The following SLC40A1 variants were observed in gnomAD, a reference collection of about 807,000 sequenced individuals.
The protein encoded by SLC40A1 is solute carrier family 40 member 1, also known as ferroportin.
Under a neutral mutation model 53.5 loss-of-function variants are expected in SLC40A1, and 16 were observed. That is an observed-to-expected ratio of 0.30 (90% CI 0.20 to 0.45). SLC40A1 has a LOEUF of 0.45. SLC40A1 is among the 20% of genes least tolerant of loss of function. SLC40A1 has a pLI of 1.00. For missense variants in SLC40A1, 545 were observed against 695.4 expected, an observed-to-expected ratio of 0.78 and a Z score of 2.43; for synonymous variants, 247 against 253.2, an observed-to-expected ratio of 0.98 and a Z score of 0.23.
chr2:189,575,439 T>C, intron 2 of SLC40A1, 119 bp from the exon 3 acceptor site: 1 of 903,354 alleles, frequency 1.1e-6, no homozygotes, highest in Non-Finnish European at 1.8e-6. Context: ...ACTTTCAAAG[T>C]CAGTAATTAC....
At chr2:189,566,301 T>G (rs1368892652) in intron 5 of SLC40A1, among the ~76,000 whole-genome samples, 2 of 152,088 alleles carry the variant, frequency 1.3e-5, no homozygotes, top group African/African-American at 4.8e-5. Context: ...ATAAAGCTGA[T>G]TTAAGAGACT....
Position 189,564,243 on chromosome 2 carries a change from C to G in SLC40A1, c.761-18G>C, listed in dbSNP as rs765902819. On this transcript the variant is annotated intron_variant, in intron 6 of 7. Transcript: ENST00000261024. ...CTCAGTATCTGTTAAGAAAAGATAC[C>G]ATTATTTTGTTGGGGAGGACATGTA... The G allele has an allele frequency of 1.1e-5, 18 of 1,609,692 alleles. No individual in the cohort carries two copies. The highest frequency in any genetic ancestry group is 1.5e-5 in the Non-Finnish European group (18 of 1,176,288).
intron 5 of SLC40A1, among the ~76,000 whole-genome samples, chr2:189,567,593 G>C (rs928248675): frequency 2.0e-5 from 3 of 152,220 alleles, no homozygotes; most frequent in African/African-American, 7.2e-5. Context: ...GTGAAAATTA[G>C]TGAGACAAGT....
At chr2:189,563,238 G>A (rs1574236667) in intron 7 of SLC40A1, among the ~76,000 whole-genome samples, 1 of 144,294 alleles carries the variant, frequency 6.9e-6, no homozygotes, top group African/African-American at 2.6e-5. Context: ...CTGCACCACT[G>A]CACTCCAGCC....
chr2:189,561,237 G>A lies in SLC40A1; in HGVS notation c.*641C>T, dbSNP rs1429714719. 6.6e-6 allele frequency: 1 copy of A among 152,390 alleles called. No homozygotes were observed. The highest frequency in any genetic ancestry group is 1.5e-5 in the Non-Finnish European group (1 of 68,194). The allele number at this position is 152,390 out of a possible 1,614,324, so 9.4% of individuals were successfully genotyped here. ...GCAGCTTACATGATAACCATGCTGTGAAGTGCTACATATGCTTCATACAAT... is the reference window on the plus strand; with the variant it reads ...GCAGCTTACATGATAACCATGCTGTAAAGTGCTACATATGCTTCATACAAT... On this transcript the variant is annotated 3_prime_UTR_variant, in exon 8 of 8. Coordinates refer to ENST00000261024, the MANE Select transcript of SLC40A1 (RefSeq NM_014585.6).
At position 189,571,855 on chromosome 2, in the gene SLC40A1, A is replaced by G; in HGVS notation, c.388-14T>C. ...ATAGCAGGAAGTCTAAAGAATGACA[A>G]GAAAAAAATGAGTTATAATGTCAGT... On this transcript the variant is annotated splice_polypyrimidine_tract_variant and intron_variant, in intron 4 of 7. Coordinates refer to ENST00000261024, the MANE Select transcript of SLC40A1 (RefSeq NM_014585.6). 6.4e-7 allele frequency: 1 copy of G among 1,556,264 alleles called. No homozygotes were observed. The highest frequency in any genetic ancestry group is 8.9e-7 in the Non-Finnish European group (1 of 1,127,488).
At chr2:189,578,948 C>CA (rs2031377237) in intron 2 of SLC40A1, among the ~76,000 whole-genome samples, 1 of 152,108 alleles carries the variant, frequency 6.6e-6, no homozygotes, top group Admixed American at 6.5e-5. Context: ...AAATAACATT[C>CA]AAAAAATTTA....
intron 2 of SLC40A1, among the ~76,000 whole-genome samples, chr2:189,576,184 C>G (rs2031280601): frequency 6.6e-6 from 1 of 152,068 alleles, no homozygotes; most frequent in African/African-American, 2.4e-5. Flanking sequence ...AGGCTCCATC[C>G]CTGACTTCTG....
intron 4 of SLC40A1, chr2:189,572,606 A>G (rs1443699523): frequency 1.7e-6 from 1 of 571,886 alleles, no homozygotes; most frequent in East Asian, 3.0e-5. Flanking sequence ...TCTATAGTAA[A>G]CTCTTAGAAA....
chr2:189,572,607 C>T (rs2031165203), intron 4 of SLC40A1: 1 of 572,438 alleles, frequency 1.7e-6, no homozygotes, highest in Non-Finnish European at 3.1e-6. Flanking sequence ...CTATAGTAAA[C>T]TCTTAGAAAT....
chr2:189,564,874 G>C (rs1349703240), intron 6 of SLC40A1, among the ~76,000 whole-genome samples: 2 of 152,040 alleles, frequency 1.3e-5, no homozygotes, highest in Non-Finnish European at 2.9e-5. Context: ...ATTATTTTCT[G>C]GGTCCCTGCA....
intron 3 of SLC40A1, among the ~76,000 whole-genome samples, chr2:189,574,366 C>G (rs1390535400): frequency 6.6e-6 from 1 of 152,154 alleles, no homozygotes; most frequent in Admixed American, 6.5e-5. Flanking sequence ...TGACCATTTT[C>G]CTAGTAGCAT....
Position 189,580,783 on chromosome 2 carries a change from C to CGCT in SLC40A1, c.-324_-323insAGC. 7.8e-7 allele frequency: 1 copy of CGCT among 1,278,198 alleles called. No homozygotes were observed. Among genetic ancestry groups the CGCT allele is most frequent in the Non-Finnish European group, 1.0e-6 (1 of 1,003,952 alleles). 79.2% of individuals were successfully genotyped at this position (1,278,198 alleles called of 1,614,324 possible). A position where few individuals can be genotyped will look rare whatever the true frequency, so the allele number is the denominator to read the frequency against. On this transcript the variant is annotated 5_prime_UTR_variant, in exon 1 of 8. Transcript: ENST00000261024. Reference sequence around the variant, plus strand: ...AGCCAGCTCTCTCCGCCGCCGCCGCCGCCGCCGTGGGCCGGGCCCAGCTCT... The same window carrying CGCT: ...AGCCAGCTCTCTCCGCCGCCGCCGCCGCTGCCGCCGTGGGCCGGGCCCAGCTCT...
chr2:189,580,123 G>T (rs1225404445), intron 1 of SLC40A1, among the ~76,000 whole-genome samples: 1 of 151,672 alleles, frequency 6.6e-6, no homozygotes, highest in Non-Finnish European at 1.5e-5. Context: ...ATACAGTGAA[G>T]AAACTCTTGT....
At position 189,568,348 on chromosome 2, in the gene SLC40A1, G is replaced by A. The variant is rs994770908; in HGVS notation, c.515-2749C>T. Reference sequence around the variant, plus strand: ...CTAAAAATACAAAAAAATTAGCCGGGCATGGTGGCGGGCGCCTGTAGTCAC... The same window carrying A: ...CTAAAAATACAAAAAAATTAGCCGGACATGGTGGCGGGCGCCTGTAGTCAC... On this transcript the variant is annotated intron_variant, in intron 5 of 7. Transcript: ENST00000261024. Among the ~76,000 whole-genome samples the A allele has an allele frequency of 2.6e-5, 4 of 152,168 alleles. 1 individual carries two copies. The East Asian group carries it at 7.7e-4, about 29-fold the overall frequency.
intron 6 of SLC40A1, 37 bp downstream of exon 6, chr2:189,565,317 A>C (rs372033924): frequency 8.7e-5 from 140 of 1,613,264 alleles, no homozygotes; most frequent in Admixed American, 2.2e-4. Flanking sequence ...AGGTCTGAAC[A>C]TGAGAACAAA....
chr2:189,565,666 C>G, intron 5 of SLC40A1, 67 bp from the exon 6 acceptor site: 1 of 1,594,492 alleles, frequency 6.3e-7, no homozygotes, highest in Non-Finnish European at 8.6e-7. Flanking sequence ...CCCATTTACA[C>G]AATACAAAGC....
At chr2:189,570,959 A>T (rs999628337) in intron 5 of SLC40A1, among the ~76,000 whole-genome samples, 6 of 152,140 alleles carry the variant, frequency 3.9e-5, no homozygotes, top group Admixed American at 2.0e-4. Context: ...CTTCCTCCTT[A>T]CACAGGGGAA....
At chr2:189,565,791 C>A (rs1000075400) in intron 5 of SLC40A1, among the ~76,000 whole-genome samples, 192 bp from the exon 6 acceptor site, 4 of 152,166 alleles carry the variant, frequency 2.6e-5, no homozygotes, top group Non-Finnish European at 4.4e-5. Flanking sequence ...AAATTTGCCT[C>A]AACAATGATA....
Sources: allele counts gnomAD v4.1 joint callset (sites outside exome capture counted in the v4.1 genomes callset), GRCh38; gene constraint gnomAD v4.1.1; transcripts MANE v1.5; gene names NCBI Gene and HGNC (gene_info 2026-07-23, HGNC 2026-07-21).